The following SYN3 variants were observed in gnomAD, a reference collection of about 807,000 sequenced individuals.
SYN3 encodes synapsin-3.
In SYN3, 35 loss-of-function variants were observed where a neutral mutation model predicts 65.8. The ratio of observed to expected loss-of-function variants is 0.53; its 90% CI spans 0.41 to 0.70. The LOEUF (loss-of-function observed/expected upper bound fraction) is 0.70, where lower values mean the gene tolerates loss of function less well. Ranked by LOEUF, SYN3 falls within the 30% of genes least tolerant of loss-of-function variation. The pLI is 0.00. For missense variants in SYN3, 680 were observed against 749.0 expected, an observed-to-expected ratio of 0.91 and a Z score of 1.08; for synonymous variants, 270 against 292.9, an observed-to-expected ratio of 0.92 and a Z score of 0.80.
intron 7 of SYN3, among the ~76,000 whole-genome samples, chr22:32,589,850 A>G (rs1258061233): frequency 1.3e-5 from 2 of 152,116 alleles, no homozygotes; most frequent in Non-Finnish European, 1.5e-5. Flanking sequence ...ATTTGTCACT[A>G]TCCCTTTCAA....
intron 6 of SYN3, among the ~76,000 whole-genome samples, chr22:32,855,904 G>T (rs1025027916): frequency 6.6e-6 from 1 of 152,164 alleles, no homozygotes; most frequent in Admixed American, 6.5e-5. Context: ...CAATTATAAA[G>T]TATTTAACAG....
At chr22:32,688,525 A>C (rs9621532) in intron 6 of SYN3, among the ~76,000 whole-genome samples, 8,856 of 152,176 alleles carry the variant, frequency 0.058, 287 homozygotes, top group African/African-American at 0.075. Context: ...TGCTTGGGAC[A>C]TAATGACCTG....
At chr22:32,814,168 AAG>A (rs2046999769) in intron 6 of SYN3, among the ~76,000 whole-genome samples, 4 of 95,056 alleles carry the variant, frequency 4.2e-5, no homozygotes, top group Admixed American at 1.2e-4. Context: ...GAGAGAGAGA[AAG>A]AGAAAGAAAG....
intron 6 of SYN3, among the ~76,000 whole-genome samples, chr22:32,807,363 A>ATTT (rs1569239699): frequency 1.1e-5 from 1 of 89,144 alleles, no homozygotes; most frequent in Non-Finnish European, 2.1e-5. Flanking sequence ...ATAATATATA[A>ATTT]TATATATTAT....
At chr22:32,803,781 T>C (rs1182872315) in intron 6 of SYN3, among the ~76,000 whole-genome samples, 1 of 152,162 alleles carries the variant, frequency 6.6e-6, no homozygotes, top group Non-Finnish European at 1.5e-5. Context: ...GGAATCAGGG[T>C]GTGCAGGGGT....
chr22:32,943,798 C>G (rs1329519344), intron 3 of SYN3, among the ~76,000 whole-genome samples: 2 of 152,102 alleles, frequency 1.3e-5, no homozygotes, highest in Non-Finnish European at 2.9e-5. Context: ...GGTTGCAATC[C>G]TAGTCTCTGA....
intron 3 of SYN3, among the ~76,000 whole-genome samples, chr22:32,931,952 T>C (rs78276727): frequency 1.8e-3 from 2 of 1,128 alleles, no homozygotes; most frequent in Admixed American, 0.013. Context: ...TGCTCTACAG[T>C]AGTATGGCAT....
At chr22:32,712,390 T>C (rs2050306892) in intron 6 of SYN3, among the ~76,000 whole-genome samples, 1 of 152,236 alleles carries the variant, frequency 6.6e-6, no homozygotes, top group Non-Finnish European at 1.5e-5. Flanking sequence ...ACAAGCTTCA[T>C]GGGACGTGTC....
At chr22:32,563,175 G>T (rs1043795996) in intron 7 of SYN3, among the ~76,000 whole-genome samples, 1 of 152,216 alleles carries the variant, frequency 6.6e-6, no homozygotes, top group Non-Finnish European at 1.5e-5. Flanking sequence ...GGCACTATAG[G>T]TAAGAGGTTT....
intron 6 of SYN3, among the ~76,000 whole-genome samples, chr22:32,808,614 G>T (rs76255585): frequency 0.016 from 2,400 of 152,256 alleles, 62 homozygotes; most frequent in African/African-American, 0.055. Flanking sequence ...GGTCTGTCCT[G>T]CTCCAGCTGT....
chr22:32,568,920 T>G (rs1032924211), intron 7 of SYN3, among the ~76,000 whole-genome samples: 2 of 152,200 alleles, frequency 1.3e-5, no homozygotes, highest in Non-Finnish European at 2.9e-5. Context: ...TCAATCAGGC[T>G]GGGTTTGTAG....
intron 7 of SYN3, among the ~76,000 whole-genome samples, chr22:32,587,353 T>G (rs2059062876): frequency 7.0e-6 from 1 of 142,372 alleles, no homozygotes; most frequent in Admixed American, 6.9e-5. Context: ...GGGCAGTGGG[T>G]GTTGGGGGGG....
rs73881910 is a variant in SYN3 at position 32,912,362 on chromosome 22, T to C, written c.461+19028A>G. 5.2e-3 allele frequency among the ~76,000 whole-genome samples: 792 copies of C among 151,646 alleles called. 9 individuals are homozygous for C. Among genetic ancestry groups the C allele is most frequent in the African/African-American group, 0.019 (767 of 41,406 alleles). On this transcript the variant is annotated intron_variant, in intron 4 of 13. Transcript: ENST00000358763. ...GGGGCCTGGGATAGGAAAGAAGAGATGAAGATTGAAGAGCTGAGAAAAATG... is the reference window on the plus strand; with the variant it reads ...GGGGCCTGGGATAGGAAAGAAGAGACGAAGATTGAAGAGCTGAGAAAAATG...
At chr22:33,001,826 C>A (rs2053068221) in intron 2 of SYN3, among the ~76,000 whole-genome samples, 2 of 152,198 alleles carry the variant, frequency 1.3e-5, no homozygotes. Context: ...GATGGAATTT[C>A]AACCCAGATA....
chr22:32,862,340 T>C (rs909225311), intron 6 of SYN3: 1 of 152,254 alleles, frequency 6.6e-6, no homozygotes, highest in Non-Finnish European at 1.5e-5. Flanking sequence ...CTCTGCTCTG[T>C]CCAGGGTAGG....
At chr22:32,917,454 T>C (rs1040538162) in intron 4 of SYN3, among the ~76,000 whole-genome samples, 2 of 152,050 alleles carry the variant, frequency 1.3e-5, no homozygotes, top group Admixed American at 6.5e-5. Flanking sequence ...AACAGCCTTT[T>C]AGTAAAAGGT....
At chr22:32,633,299 C>G (rs370885669) in intron 6 of SYN3, among the ~76,000 whole-genome samples, 9 of 152,170 alleles carry the variant, frequency 5.9e-5, no homozygotes, top group Non-Finnish European at 1.3e-4. Context: ...TTGAGCGGAG[C>G]AAACAGACTC....
At chr22:32,655,727 C>T (rs895797837) in intron 6 of SYN3, among the ~76,000 whole-genome samples, 2 of 152,124 alleles carry the variant, frequency 1.3e-5, no homozygotes, top group African/African-American at 4.8e-5. Flanking sequence ...AAAACAAGCT[C>T]AGGGCTCCCA....
At chr22:32,930,582 C>T (rs191440692) in intron 4 of SYN3, among the ~76,000 whole-genome samples, 3 of 152,230 alleles carry the variant, frequency 2.0e-5, no homozygotes, top group East Asian at 1.9e-4. Flanking sequence ...TCTTTCCCTA[C>T]ACCCAGCCTG....
Sources: allele counts gnomAD v4.1 joint callset (sites outside exome capture counted in the v4.1 genomes callset), GRCh38; gene constraint gnomAD v4.1.1; transcripts MANE v1.5; gene names NCBI Gene and HGNC (gene_info 2026-07-23, HGNC 2026-07-21).